The following UBE2R2 variants were observed in gnomAD, a reference collection of about 807,000 sequenced individuals.
The protein encoded by UBE2R2 is ubiquitin conjugating enzyme E2 R2.
In UBE2R2, 1 loss-of-function variant was observed where a neutral mutation model predicts 27.8. That is an observed-to-expected ratio of 0.04 (90% CI 0.01 to 0.17). The LOEUF (loss-of-function observed/expected upper bound fraction) is 0.17. Among genes scored for constraint, UBE2R2 ranks in the 10% least tolerant of loss-of-function variants. UBE2R2 has a pLI of 1.00. For missense variants in UBE2R2, 100 were observed against 291.0 expected, an observed-to-expected ratio of 0.34 and a Z score of 4.78; for synonymous variants, 106 against 113.3, an observed-to-expected ratio of 0.94 and a Z score of 0.41.
chr9:33,820,459 T>C (rs888785170), intron 1 of UBE2R2, among the ~76,000 whole-genome samples: 1 of 152,260 alleles, frequency 6.6e-6, no homozygotes, highest in East Asian at 1.9e-4. Context: ...TATGGCCTTT[T>C]ATCCCATTAG....
At chr9:33,817,109 A>G (rs1051224274), upstream of UBE2R2, among the ~76,000 whole-genome samples, 9 of 151,576 alleles carry the variant, frequency 5.9e-5, no homozygotes, top group African/African-American at 2.2e-4. Context: ...AGAGCCGCCC[A>G]GCACCCGGCG....
chr9:33,879,341 C>T (rs1563998319), intron 1 of UBE2R2, among the ~76,000 whole-genome samples: 1 of 152,180 alleles, frequency 6.6e-6, no homozygotes, highest in Non-Finnish European at 1.5e-5. Flanking sequence ...CTTCTTGAGT[C>T]AGTGTTCTTT....
intron 1 of UBE2R2, chr9:33,831,156 T>G (rs897437073): frequency 6.6e-6 from 1 of 150,564 alleles, no homozygotes. Flanking sequence ...AGAAACAGAC[T>G]GGTGGCTGGG....
rs552225910 is a variant in UBE2R2 at position 33,917,754 on chromosome 9, T to C, written c.*517T>C. On this transcript the variant is annotated 3_prime_UTR_variant, in exon 5 of 5. Transcript: ENST00000263228. ...AGGTTTAGCTGCTCATTTACATTAG[T>C]GTGTGTGCATTCGTTCAGCCCCATG... 6 of 160,798 alleles carry C rather than the reference T, an allele frequency of 3.7e-5. No individual in the cohort carries two copies. The South Asian group carries it at 9.9e-4, about 27-fold the overall frequency. The allele number at this position is 160,798 out of a possible 1,614,324, so 10.0% of individuals were successfully genotyped here.
intron 1 of UBE2R2, among the ~76,000 whole-genome samples, chr9:33,861,683 G>T (rs1474304212): frequency 1.3e-5 from 2 of 151,866 alleles, no homozygotes; most frequent in Non-Finnish European, 2.9e-5. Context: ...ATTTTAAAGG[G>T]TTTATTTTGT....
At chr9:33,838,069 C>A (rs1336743368) in intron 1 of UBE2R2, among the ~76,000 whole-genome samples, 1 of 151,970 alleles carries the variant, frequency 6.6e-6, no homozygotes, top group Non-Finnish European at 1.5e-5. Flanking sequence ...CCCACTGATA[C>A]CAAAATCTTG....
chr9:33,824,539 T>G (rs1251596069), intron 1 of UBE2R2, among the ~76,000 whole-genome samples: 1 of 151,630 alleles, frequency 6.6e-6, no homozygotes, highest in African/African-American at 2.4e-5. Context: ...CTTGGGAGGC[T>G]GAGGCAGGAG....
chr9:33,916,416 A>G (rs1822643668), intron 4 of UBE2R2, among the ~76,000 whole-genome samples: 1 of 152,216 alleles, frequency 6.6e-6, no homozygotes, highest in South Asian at 2.1e-4. Flanking sequence ...GTGAAAATTA[A>G]GAGGATAATT....
intron 2 of UBE2R2, among the ~76,000 whole-genome samples, chr9:33,893,189 T>C (rs1219768186): frequency 6.6e-6 from 1 of 152,232 alleles, no homozygotes; most frequent in Non-Finnish European, 1.5e-5. Context: ...TCACTCCAAC[T>C]TAAAATACAC....
chr9:33,857,746 T>G (rs773256297), intron 1 of UBE2R2, among the ~76,000 whole-genome samples: 9 of 152,232 alleles, frequency 5.9e-5, no homozygotes, highest in Non-Finnish European at 1.3e-4. Context: ...AGTGGCTGAT[T>G]AGACTGGCAT....
rs559353310 is a variant in UBE2R2, at chr9:33,828,961, C to T, written c.177+11027C>T. On this transcript the variant is annotated intron_variant, in intron 1 of 4. Coordinates refer to ENST00000263228, the MANE Select transcript of UBE2R2 (RefSeq NM_017811.4). ...TGTTGGCCAGACTCGTCTCGAATTC[C>T]TGACCTCAGGTGATCTGCCTGCCTC... Among the ~76,000 whole-genome samples the T allele has an allele frequency of 2.6e-5, 4 of 152,260 alleles. No homozygotes were observed. The East Asian group carries it at 7.7e-4, about 29-fold the overall frequency.
rs959509449 is a variant in UBE2R2 at position 33,829,274 on chromosome 9, T to A, written c.177+11340T>A. Among the ~76,000 whole-genome samples, 6 of 152,156 alleles carry A rather than the reference T, an allele frequency of 3.9e-5. 1 individual carries two copies. Among genetic ancestry groups the A allele is most frequent in the South Asian group, 2.1e-4 (1 of 4,834 alleles). On this transcript the variant is annotated intron_variant, in intron 1 of 4. Coordinates refer to ENST00000263228, the MANE Select transcript of UBE2R2 (RefSeq NM_017811.4). The stretch of plus-strand genomic sequence containing the variant: ...TTCAGAAAGGCTTTTTATTAGCAAA[T>A]TGATTTCTTTAATAGCAACTTTAAC...
intron 2 of UBE2R2, among the ~76,000 whole-genome samples, chr9:33,889,698 G>C (rs1012045980): frequency 2.6e-5 from 4 of 152,172 alleles, no homozygotes; most frequent in African/African-American, 7.2e-5. Flanking sequence ...AATTACTTTT[G>C]TGTTTTTGAG....
At chr9:33,843,521 C>T (rs1440894713) in intron 1 of UBE2R2, among the ~76,000 whole-genome samples, 1 of 151,884 alleles carries the variant, frequency 6.6e-6, no homozygotes, top group Non-Finnish European at 1.5e-5. Flanking sequence ...CTATGTCTCC[C>T]AGGCTAGAGG....
At position 33,860,554 on chromosome 9, in the gene UBE2R2, T is replaced by A. The variant is rs1821206602; in HGVS notation, c.178-26327T>A. Among the ~76,000 whole-genome samples the A allele has an allele frequency of 2.0e-5, 3 of 152,300 alleles. No individual in the cohort carries two copies. In the South Asian group the frequency reaches 6.2e-4, roughly 32 times the overall value. On this transcript the variant is annotated intron_variant, in intron 1 of 4. Coordinates refer to ENST00000263228, the MANE Select transcript of UBE2R2 (RefSeq NM_017811.4). The stretch of plus-strand genomic sequence containing the variant: ...CATTTTTTGTTTGACTTTATTTGTT[T>A]TATTTGTTTGAATTTTCTTCTTTCT...
intron 1 of UBE2R2, among the ~76,000 whole-genome samples, chr9:33,820,754 T>C: frequency 6.6e-6 from 1 of 152,258 alleles, no homozygotes; most frequent in East Asian, 1.9e-4. Flanking sequence ...AGTCATTCTT[T>C]ACATTTTTCA....
chr9:33,871,720 A>T (rs1019330325), intron 1 of UBE2R2, among the ~76,000 whole-genome samples: 1 of 151,742 alleles, frequency 6.6e-6, no homozygotes, highest in Non-Finnish European at 1.5e-5. Context: ...TTCCGTATTT[A>T]TTTTTTTTGA....
chr9:33,849,150 G>A (rs1198764943), intron 1 of UBE2R2, among the ~76,000 whole-genome samples: 4 of 152,124 alleles, frequency 2.6e-5, no homozygotes, highest in South Asian at 2.1e-4. Context: ...CCAGCTACTC[G>A]GGAGGCTGAG....
intron 2 of UBE2R2, among the ~76,000 whole-genome samples, chr9:33,887,318 C>T (rs1821881970): frequency 6.6e-6 from 1 of 152,146 alleles, no homozygotes; most frequent in Non-Finnish European, 1.5e-5. Flanking sequence ...AACTTCACAG[C>T]AAGGGTCACC....
Sources: allele counts gnomAD v4.1 joint callset (sites outside exome capture counted in the v4.1 genomes callset), GRCh38; gene constraint gnomAD v4.1.1; transcripts MANE v1.5; gene names NCBI Gene and HGNC (gene_info 2026-07-23, HGNC 2026-07-21).